The following RGS7 variants were observed in gnomAD, a reference collection of about 807,000 sequenced individuals.
RGS7 encodes the protein regulator of G-protein signaling 7.
In RGS7, 27 loss-of-function variants were observed where a neutral mutation model predicts 81.1. That is an observed-to-expected ratio of 0.33 (90% confidence interval 0.25 to 0.46). The LOEUF is 0.46. Among genes scored for constraint, RGS7 ranks in the 20% least tolerant of loss-of-function variants. The pLI, the probability that RGS7 is intolerant of heterozygous loss-of-function variation, is 1.00. For synonymous variants in RGS7, 208 were observed against 207.7 expected, an observed-to-expected ratio of 1.00 and a Z score of -0.01; for missense variants, 396 against 607.4, an observed-to-expected ratio of 0.65 and a Z score of 3.66.
At chr1:241,288,729 T>C (rs1022187332) in intron 2 of RGS7, among the ~76,000 whole-genome samples, 2 of 152,162 alleles carry the variant, frequency 1.3e-5, no homozygotes, top group African/African-American at 4.8e-5. Context: ...ATAAATTCAT[T>C]TCTGGAAAGT....
intron 2 of RGS7, among the ~76,000 whole-genome samples, chr1:241,331,122 T>C (rs1405808788): frequency 6.6e-6 from 1 of 152,192 alleles, no homozygotes; most frequent in African/African-American, 2.4e-5. Context: ...TTAAAGATGC[T>C]GCCAACTTCA....
chr1:241,162,308 G>C (rs1394447494), intron 2 of RGS7, among the ~76,000 whole-genome samples: 1 of 151,078 alleles, frequency 6.6e-6, no homozygotes, highest in Admixed American at 6.6e-5. Flanking sequence ...TGGTATATGA[G>C]CTTCCTCCAG....
At chr1:240,891,547 A>C (rs1668295537) in intron 6 of RGS7, among the ~76,000 whole-genome samples, 1 of 152,130 alleles carries the variant, frequency 6.6e-6, no homozygotes, top group African/African-American at 2.4e-5. Flanking sequence ...TTTCAAACGT[A>C]CAATGTAATT....
rs180794246 is a variant in RGS7, at chr1:240,928,907, G to A, written c.385+1810C>T. On this transcript the variant is annotated intron_variant, in intron 6 of 18. Coordinates refer to ENST00000440928, the MANE Select transcript of RGS7 (RefSeq NM_001364886.1). ...ATTATAGGCGTGAACCACTGTGCCC[G>A]GCTGGGAATTTGCTTTTCAACAGGG... Among the ~76,000 whole-genome samples, 41 of 152,270 alleles carry A rather than the reference G, an allele frequency of 2.7e-4. No individual in the cohort carries two copies. The East Asian group carries it at 6.6e-3, about 24-fold the overall frequency.
intron 2 of RGS7, among the ~76,000 whole-genome samples, chr1:241,286,139 T>G (rs566356421): frequency 3.3e-5 from 5 of 152,182 alleles, no homozygotes; most frequent in Non-Finnish European, 7.4e-5. Context: ...TCTCTCAGCC[T>G]TTAGCCCAAG....
intron 2 of RGS7, among the ~76,000 whole-genome samples, chr1:241,352,956 A>C (rs932667127): frequency 6.6e-6 from 1 of 152,224 alleles, no homozygotes; most frequent in Non-Finnish European, 1.5e-5. Context: ...CATATGCAAT[A>C]AGTAAACAGG....
intron 2 of RGS7, among the ~76,000 whole-genome samples, chr1:241,105,407 C>G (rs1023679743): frequency 6.6e-5 from 10 of 152,164 alleles, no homozygotes; most frequent in African/African-American, 2.4e-4. Flanking sequence ...GTTTAGATGT[C>G]ACTTCAAGCT....
At position 240,999,207 on chromosome 1, in the gene RGS7, C is replaced by A. The variant is rs560519524; in HGVS notation, c.176-16078G>T. Among the ~76,000 whole-genome samples the A allele has an allele frequency of 2.0e-5, 3 of 151,470 alleles. No individual in the cohort carries two copies. In the East Asian group the frequency reaches 5.8e-4, roughly 29 times the overall value. On this transcript the variant is annotated intron_variant, in intron 3 of 18. Transcript: ENST00000440928. ...GAGAATTTCAGTTTATTTCCTGAGG[C>A]CTTCTAGTTTGTAATATGCTTAAAG... is the stretch of plus-strand genomic sequence containing the variant.
chr1:241,144,224 CA>C lies in RGS7; in HGVS notation c.79-45463del. Among the ~76,000 whole-genome samples, 1 of 152,222 alleles carries C rather than the reference CA, an allele frequency of 6.6e-6. No individual in the cohort carries two copies. Among genetic ancestry groups the C allele is most frequent in the African/African-American group, 2.4e-5 (1 of 41,546 alleles). On this transcript the variant is annotated intron_variant, in intron 2 of 18. Transcript: ENST00000440928. This position sits in a 1 kb window ranked among gnomAD's most constrained non-coding sequence, Gnocchi z 4.7. Reference sequence around the variant, plus strand: ...CAACAGTGTCTCCTGTTAAAAAATTCAAATCCTCATCCAAATTGACATACAT... The same window carrying C: ...CAACAGTGTCTCCTGTTAAAAAATTCAATCCTCATCCAAATTGACATACAT...
rs143874155 is a variant in RGS7 at position 240,886,328 on chromosome 1, G to T, written c.386-16209C>A. On this transcript the variant is annotated intron_variant, in intron 6 of 18. Transcript: ENST00000440928. Reference sequence around the variant, plus strand: ...ACACCCAATGGATAAGCCCAGAGGAGCCGTGTGACTTTCAAAGGAAAGTTC... The same window carrying T: ...ACACCCAATGGATAAGCCCAGAGGATCCGTGTGACTTTCAAAGGAAAGTTC... Among the ~76,000 whole-genome samples, 59 of 152,296 alleles carry T rather than the reference G, an allele frequency of 3.9e-4. 3 individuals are homozygous for T. The East Asian group carries it at 0.011, about 28-fold the overall frequency.
chr1:240,936,919 C>A (rs1278416896), intron 4 of RGS7, among the ~76,000 whole-genome samples: 3 of 152,132 alleles, frequency 2.0e-5, no homozygotes, highest in Non-Finnish European at 4.4e-5. Context: ...TCCTACCAGT[C>A]CCAGTCTGTA....
At chr1:241,024,987 T>G (rs1248155172) in intron 3 of RGS7, among the ~76,000 whole-genome samples, 1 of 152,262 alleles carries the variant, frequency 6.6e-6, no homozygotes, top group East Asian at 1.9e-4. Context: ...AGTACCGTAA[T>G]AGCTTTCAGT....
chr1:241,152,629 T>G (rs1166234239), intron 2 of RGS7, among the ~76,000 whole-genome samples: 1 of 152,128 alleles, frequency 6.6e-6, no homozygotes, highest in African/African-American at 2.4e-5. Context: ...GGAGAAATGG[T>G]AGGAGGATGT....
At chr1:240,834,920 A>T (rs1286450812) in intron 9 of RGS7, among the ~76,000 whole-genome samples, 2 of 58,130 alleles carry the variant, frequency 3.4e-5, no homozygotes, top group African/African-American at 5.4e-4. Context: ...TACACTCCAC[A>T]CACACACACA....
At chr1:240,888,440 A>G (rs1003829629) in intron 6 of RGS7, among the ~76,000 whole-genome samples, 2 of 152,144 alleles carry the variant, frequency 1.3e-5, no homozygotes, top group Non-Finnish European at 2.9e-5. Flanking sequence ...GTGTGTGTGG[A>G]TACTGGATGT....
intron 3 of RGS7, among the ~76,000 whole-genome samples, chr1:241,078,875 A>G (rs2062976336): frequency 6.6e-6 from 1 of 152,176 alleles, no homozygotes; most frequent in Non-Finnish European, 1.5e-5. Context: ...CTCATTTGCA[A>G]CGGGAGAAAT....
intron 2 of RGS7, among the ~76,000 whole-genome samples, chr1:241,150,273 A>G (rs866096673): frequency 6.6e-6 from 1 of 152,254 alleles, no homozygotes; most frequent in Non-Finnish European, 1.5e-5. Flanking sequence ...ACCCATTTAT[A>G]GAGATGTATA....
intron 2 of RGS7, among the ~76,000 whole-genome samples, chr1:241,235,909 T>TGA (rs1553294805): frequency 0.12 from 16,465 of 137,932 alleles, 1,290 homozygotes; most frequent in Admixed American, 0.2. Context: ...AGATGCACTT[T>TGA]GAGAGAGAGA....
At position 241,216,038 on chromosome 1, in the gene RGS7, G is replaced by A. The variant is rs1395363633; in HGVS notation, c.79-117276C>T. On this transcript the variant is annotated intron_variant, in intron 2 of 18. Transcript: ENST00000440928. Reference sequence around the variant, plus strand: ...TGTCATCCCAGCACTTTGGGAGGCCGAGGCAGGAAGATCACGAGGTTAGGA... The same window carrying A: ...TGTCATCCCAGCACTTTGGGAGGCCAAGGCAGGAAGATCACGAGGTTAGGA... Among the ~76,000 whole-genome samples, 10 of 152,268 alleles carry A rather than the reference G, an allele frequency of 6.6e-5. No individual in the cohort carries two copies. In the East Asian group the frequency reaches 7.7e-4, roughly 12 times the overall value.
Sources: gnomAD v4.1 joint callset for allele counts (sites outside exome capture counted in the v4.1 genomes callset) on GRCh38, gnomAD v4.1.1 for gene constraint, Gnocchi (gnomAD v3.1) non-coding constraint, MANE v1.5 for transcripts, NCBI Gene and HGNC (gene_info 2026-07-23, HGNC 2026-07-21) for gene names.